The following STK11 variants were observed in gnomAD, a reference collection of about 807,000 sequenced individuals.
The protein encoded by STK11 is serine/threonine kinase 11.
In STK11, 8 loss-of-function variants were observed where a neutral mutation model predicts 47.3. The observed-to-expected ratio is 0.17, with a 90% CI of 0.10 to 0.31. STK11 has a LOEUF of 0.31. STK11 is among the 10% of genes least tolerant of loss of function. The probability of loss-of-function intolerance (pLI) is 1.00; values close to 1 mark genes in which losing one functional copy is unlikely to be tolerated. For synonymous variants in STK11, 330 were observed against 255.8 expected (o/e 1.29, Z -2.77); for missense variants, 475 against 605.0 (o/e 0.79, Z 2.25).
At chr19:1,213,731 C>T (rs895381594) in intron 1 of STK11, among the ~76,000 whole-genome samples, 23 of 152,226 alleles carry the variant, frequency 1.5e-4, no homozygotes, top group Non-Finnish European at 2.8e-4. Context: ...CTTTGGTGCA[C>T]GTGTGCTCAG....
rs753029398 is a variant in STK11, at chr19:1,227,663, C to G, written c.*87C>G. ...CTTCCTGCCGGTTCCGCCCGCCCTC[C>G]CGGAGAGGTGGCCGCCATGCTTCTG... On this transcript the variant is annotated 3_prime_UTR_variant, in exon 10 of 10. Transcript: ENST00000326873. The G allele has an allele frequency of 6.6e-6, 7 of 1,068,690 alleles. No homozygotes were observed. Among genetic ancestry groups the G allele is most frequent in the Non-Finnish European group, 7.9e-6 (7 of 881,408 alleles). The allele number at this position is 1,068,690 out of a possible 1,614,324, so 66.2% of individuals were successfully genotyped here.
chr19:1,225,809 G>A, intron 8 of STK11: 13 of 985,718 alleles, frequency 1.3e-5, no homozygotes, highest in Non-Finnish European at 1.6e-5. Flanking sequence ...TCCTCGCAGG[G>A]ACAGTACGTG....
At chr19:1,215,513 C>G (rs2080739315) in intron 1 of STK11, among the ~76,000 whole-genome samples, 1 of 152,254 alleles carries the variant, frequency 6.6e-6, no homozygotes, top group African/African-American at 2.4e-5. Context: ...TCATCCTGCT[C>G]TCCTAGCCCC....
chr19:1,216,783 G>A (rs1263032810), intron 1 of STK11, among the ~76,000 whole-genome samples: 3 of 150,758 alleles, frequency 2.0e-5, no homozygotes, highest in African/African-American at 7.3e-5. Context: ...TGGGAGGATC[G>A]CTTGAGCCTG....
At chr19:1,210,713 T>A (rs1053073681) in intron 1 of STK11, among the ~76,000 whole-genome samples, 1 of 149,334 alleles carries the variant, frequency 6.7e-6, no homozygotes, top group Admixed American at 6.7e-5. Flanking sequence ...AAATACAAAA[T>A]TAGCTGAGTG....
At chr19:1,213,881 G>A (rs957266279) in intron 1 of STK11, among the ~76,000 whole-genome samples, 3 of 152,226 alleles carry the variant, frequency 2.0e-5, no homozygotes, top group Admixed American at 1.3e-4. Flanking sequence ...GTGGGAGGCC[G>A]GGGCGAGGGC....
Position 1,218,220 on chromosome 19 carries a change from C to T in STK11, c.291-197C>T, listed in dbSNP as rs6510599. On this transcript the variant is annotated intron_variant, in intron 1 of 9. Transcript: ENST00000326873. Reference sequence around the variant, plus strand: ...TGACAGACTAGAGGGCGCTGTGCTCCCACCCCCTACCGCCCTGAGCCTGGA... The same window carrying T: ...TGACAGACTAGAGGGCGCTGTGCTCTCACCCCCTACCGCCCTGAGCCTGGA... Among the ~76,000 whole-genome samples, 29,193 of 152,182 alleles carry T rather than the reference C, an allele frequency of 0.19. 3,837 individuals are homozygous for T. Among genetic ancestry groups the T allele is most frequent in the East Asian group, 0.41 (2,105 of 5,162 alleles).
At chr19:1,208,116 CT>C (rs1568691666) in intron 1 of STK11, among the ~76,000 whole-genome samples, 1 of 152,138 alleles carries the variant, frequency 6.6e-6, no homozygotes. Flanking sequence ...AAGAAAGGAC[CT>C]TATCTGCTGG....
At chr19:1,213,744 G>A (rs1000190042) in intron 1 of STK11, among the ~76,000 whole-genome samples, 1 of 152,204 alleles carries the variant, frequency 6.6e-6, no homozygotes, top group African/African-American at 2.4e-5. Context: ...GTGCTCAGCC[G>A]GCGTCCCTCT....
rs763353991 is a variant in STK11 at position 1,219,412 on chromosome 19, G to A, written c.463G>A (p.Gly155Arg). The A allele has an allele frequency of 1.9e-6, 3 of 1,581,448 alleles. No homozygotes were observed. Among genetic ancestry groups the A allele is most frequent in the East Asian group, 2.3e-5 (1 of 42,916 alleles). The change falls in exon 3 of 10, where the codon GGG becomes AGG. Residue 155 changes from glycine to arginine, a missense_variant and splice_region_variant. This residue lies in a region of STK11 where 130 missense variants were observed against 239.7 expected (regional missense o/e 0.54). Coordinates refer to ENST00000326873, the MANE Select transcript of STK11 (RefSeq NM_000455.5). ...GCGTTTCCCAGTGTGCCAGGCCCAC[G>A]GGTGCGTGCGCGGGGCAGGGGCCAG... Reference protein sequence around the residue: ...EKRFPVCQAHGYFCQLIDGLE... With the variant: ...EKRFPVCQAHRYFCQLIDGLE...
intron 1 of STK11, among the ~76,000 whole-genome samples, chr19:1,211,352 G>C (rs933909199): frequency 6.6e-6 from 1 of 152,120 alleles, no homozygotes; most frequent in Non-Finnish European, 1.5e-5. Context: ...GGGTTCCTAG[G>C]GTGGAGCAGG....
In STK11 at chr19:1,219,735, C is replaced by T. The variant is rs1014036920; in HGVS notation, c.464+322C>T. On this transcript the variant is annotated intron_variant, in intron 3 of 9. Transcript: ENST00000326873. The stretch of plus-strand genomic sequence containing the variant: ...TAATTTTTTGTATTTTTAGTAGAGA[C>T]GGGGTTTCACCGTGTTAGCCAGGAT... 3.3e-5 allele frequency among the ~76,000 whole-genome samples: 5 copies of T among 151,874 alleles called. No individual in the cohort carries two copies. Among genetic ancestry groups the T allele is most frequent in the Non-Finnish European group, 5.9e-5 (4 of 67,974 alleles).
intron 3 of STK11, 118 bp from the exon 4 acceptor site, chr19:1,220,255 C>G: frequency 2.9e-6 from 4 of 1,364,820 alleles, no homozygotes; most frequent in Non-Finnish European, 4.0e-6. Context: ...TGTGCCTGGA[C>G]TTCTGTGACT....
intron 1 of STK11, among the ~76,000 whole-genome samples, chr19:1,216,098 T>C (rs922742010): frequency 6.6e-6 from 1 of 151,054 alleles, no homozygotes. Context: ...AAAAAAAAAC[T>C]ATGGAGATGG....
chr19:1,210,293 G>A (rs1011330613), intron 1 of STK11, among the ~76,000 whole-genome samples: 1 of 152,194 alleles, frequency 6.6e-6, no homozygotes, highest in Non-Finnish European at 1.5e-5. Flanking sequence ...CAGGGAAAAA[G>A]CCTCCTTTGT....
chr19:1,225,313 C>A, intron 8 of STK11: 1 of 981,682 alleles, frequency 1.0e-6, no homozygotes, highest in Non-Finnish European at 1.2e-6. Context: ...TGCTCTGTCG[C>A]CCAGGCTGGA....
rs1406974389 is a variant in STK11 at position 1,218,437 on chromosome 19, G to C, written c.311G>C (p.Arg104Thr). Residue 104 changes from arginine (R) to threonine (T), a missense_variant, in exon 2 of 10, where the codon AGG (arginine) becomes ACG (threonine). Physicochemically the swap from Arg to Thr is moderately conservative, Grantham distance 71. Coordinates refer to ENST00000326873, the MANE Select transcript of STK11 (RefSeq NM_000455.5). ...CCCAGGGAAATTCAACTACTGAGGAGGTTACGGCACAAAAATGTCATCCAG... is the reference window on the plus strand; with the variant it reads ...CCCAGGGAAATTCAACTACTGAGGACGTTACGGCACAAAAATGTCATCCAG... ...NVKKEIQLLR[R>T]LRHKNVIQLV... 1.2e-6 allele frequency: 2 copies of C among 1,613,664 alleles called. No homozygotes were observed. Among genetic ancestry groups the C allele is most frequent in the African/African-American group, 2.7e-5 (2 of 75,058 alleles).
Position 1,206,600 on chromosome 19 carries a change from G to A in STK11, c.-314G>A. The A allele has an allele frequency of 2.2e-6, 1 of 458,538 alleles. No homozygotes were observed. Among genetic ancestry groups the A allele is most frequent in the Non-Finnish European group, 3.9e-6 (1 of 256,940 alleles). 28.4% of individuals were successfully genotyped at this position (458,538 alleles called of 1,614,324 possible). A position where few individuals can be genotyped will look rare whatever the true frequency, so the allele number is the denominator to read the frequency against. ...CCCCAGGGTCCCCGAGGACGAAGTTGACCCTGACCGGGCCGTCTCCCAGTT... is the reference window on the plus strand; with the variant it reads ...CCCCAGGGTCCCCGAGGACGAAGTTAACCCTGACCGGGCCGTCTCCCAGTT... On this transcript the variant is annotated 5_prime_UTR_variant, in exon 1 of 10. Coordinates refer to ENST00000326873, the MANE Select transcript of STK11 (RefSeq NM_000455.5).
intron 8 of STK11, 40 bp from the exon 9 acceptor site, chr19:1,226,414 C>T (rs758911551): frequency 1.3e-5 from 20 of 1,591,522 alleles, no homozygotes; most frequent in African/African-American, 6.7e-5. Flanking sequence ...TCTGGGGTTG[C>T]GCCCCTCAGC....
Sources: gnomAD v4.1 joint callset for allele counts (sites outside exome capture counted in the v4.1 genomes callset) on GRCh38, gnomAD v4.1.1 for gene constraint, gnomAD v4.1.1 regional missense constraint, MANE v1.5 for transcripts, NCBI Gene and HGNC (gene_info 2026-07-23, HGNC 2026-07-21) for gene names.